The following BTBD9 variants were observed in gnomAD, a reference collection of about 807,000 sequenced individuals.
BTBD9 encodes BTB domain containing 9, also known as BTB/POZ domain-containing protein 9.
BTBD9 carries 49 observed loss-of-function variants against 64.3 expected under a neutral mutation model. The ratio of observed to expected loss-of-function variants is 0.76; its 90% CI spans 0.61 to 0.97. The LOEUF (loss-of-function observed/expected upper bound fraction) is 0.97. Ranked by LOEUF, BTBD9 falls within the 50% of genes least tolerant of loss-of-function variation. The pLI is 0.00. For missense variants in BTBD9, 598 were observed against 762.1 expected (o/e 0.78, Z 2.53); for synonymous variants, 260 against 274.7 (o/e 0.95, Z 0.53).
intron 6 of BTBD9, among the ~76,000 whole-genome samples, chr6:38,500,139 AAG>A (rs1399427176): frequency 2.0e-5 from 3 of 152,136 alleles, no homozygotes; most frequent in Non-Finnish European, 4.4e-5. Flanking sequence ...GTGTCAAAGA[AAG>A]AGAGATAGAA....
At position 38,598,018 on chromosome 6, in the gene BTBD9, A is replaced by G. The variant is rs372076622; in HGVS notation, c.77T>C (p.Ile26Thr). 1.4e-5 allele frequency: 23 copies of G among 1,613,896 alleles called. No individual in the cohort carries two copies. In the African/African-American group the frequency reaches 1.7e-4, roughly 12 times the overall value. The stretch of plus-strand genomic sequence containing the variant: ...TTCTTCCCCAATCAACAAGGCACCA[A>G]TATGTTCAGACAAAATGTGCACATG... The part of the protein sequence containing the change: ...IDHVHILSEH[I>T]GALLIGEEYG... Residue 26 changes from isoleucine to threonine, a missense_variant, in exon 2 of 11, where the codon ATT (isoleucine) becomes ACT (threonine). Physicochemically the swap from Ile to Thr is moderately conservative, Grantham distance 89. Coordinates refer to ENST00000481247, the MANE Select transcript of BTBD9 (RefSeq NM_001099272.2).
At chr6:38,361,868 G>GA (rs35224103) in intron 6 of BTBD9, among the ~76,000 whole-genome samples, 48,089 of 138,648 alleles carry the variant, frequency 0.35, 8,113 homozygotes, top group Non-Finnish European at 0.38. Context: ...AACACCACAG[G>GA]AAAAAAAAAA....
At chr6:38,398,645 G>C (rs901738286) in intron 6 of BTBD9, among the ~76,000 whole-genome samples, 3 of 152,026 alleles carry the variant, frequency 2.0e-5, no homozygotes, top group African/African-American at 7.2e-5. Flanking sequence ...AGGCACACAG[G>C]TCCAGAAAAG....
At chr6:38,394,506 T>C (rs186052060) in intron 6 of BTBD9, among the ~76,000 whole-genome samples, 1 of 152,122 alleles carries the variant, frequency 6.6e-6, no homozygotes, top group East Asian at 1.9e-4. Flanking sequence ...AAAAAGAAAT[T>C]TTACAGATGC....
chr6:38,265,090 C>T (rs1250420268), intron 8 of BTBD9, among the ~76,000 whole-genome samples: 4 of 151,858 alleles, frequency 2.6e-5, no homozygotes, highest in Admixed American at 6.6e-5. Context: ...GGGGAAGAAA[C>T]GATGGCACTG....
intron 6 of BTBD9, 27 bp from the exon 7 acceptor site, chr6:38,345,120 G>T: frequency 6.7e-7 from 1 of 1,484,170 alleles, no homozygotes; most frequent in Non-Finnish European, 9.3e-7. Flanking sequence ...AAGAAAATGT[G>T]TTGAAAATGA....
Position 38,465,539 on chromosome 6 carries a change from G to C in BTBD9, c.1154+112061C>G, listed in dbSNP as rs555136556. On this transcript the variant is annotated intron_variant, in intron 6 of 10. Coordinates refer to ENST00000481247, the MANE Select transcript of BTBD9 (RefSeq NM_001099272.2). The stretch of plus-strand genomic sequence containing the variant: ...CCAGCTACTCGGGAGGCTGAGGCAG[G>C]AGAATGGTATGAAACCAGGAGGTGG... Among the ~76,000 whole-genome samples the C allele has an allele frequency of 7.0e-3, 1,034 of 148,290 alleles. 9 individuals carry two copies. Among genetic ancestry groups the C allele is most frequent in the African/African-American group, 0.024 (977 of 40,588 alleles).
At chr6:38,233,520 G>C (rs982261193) in intron 9 of BTBD9, among the ~76,000 whole-genome samples, 1 of 152,146 alleles carries the variant, frequency 6.6e-6, no homozygotes, top group African/African-American at 2.4e-5. Context: ...AGCACACAAG[G>C]CTGGGCAGAA....
At chr6:38,287,183 T>G (rs1390909058) in intron 8 of BTBD9, among the ~76,000 whole-genome samples, 1 of 143,348 alleles carries the variant, frequency 7.0e-6, no homozygotes, top group East Asian at 2.1e-4. Context: ...AAGTCTACAG[T>G]ACAGTAATGT....
intron 9 of BTBD9, among the ~76,000 whole-genome samples, chr6:38,216,928 C>T (rs910688059): frequency 6.6e-6 from 1 of 152,058 alleles, no homozygotes; most frequent in African/African-American, 2.4e-5. Context: ...GTTTCAGATT[C>T]AGTAGGTAGG....
chr6:38,306,866 C>G (rs1443385670), intron 7 of BTBD9, among the ~76,000 whole-genome samples: 1 of 152,220 alleles, frequency 6.6e-6, no homozygotes, highest in African/African-American at 2.4e-5. Flanking sequence ...TCTTCAAACA[C>G]TGTGCTCTGC....
chr6:38,381,296 G>A (rs933657965), intron 6 of BTBD9, among the ~76,000 whole-genome samples: 6 of 152,130 alleles, frequency 3.9e-5, no homozygotes, highest in African/African-American at 1.4e-4. Flanking sequence ...GACATAACAA[G>A]TGTAGATGCA....
intron 6 of BTBD9, among the ~76,000 whole-genome samples, chr6:38,456,941 T>G (rs1003599017): frequency 3.9e-5 from 6 of 152,174 alleles, no homozygotes; most frequent in Admixed American, 2.6e-4. Flanking sequence ...ATAAATACAG[T>G]GACATGATAA....
chr6:38,482,477 TA>T (rs1771200169), intron 6 of BTBD9: 1 of 151,934 alleles, frequency 6.6e-6, no homozygotes, highest in Admixed American at 6.6e-5. Flanking sequence ...GTATTCCACT[TA>T]AAAGAGAGAA....
intron 7 of BTBD9, among the ~76,000 whole-genome samples, chr6:38,341,851 G>A (rs1314739936): frequency 1.3e-5 from 2 of 152,214 alleles, no homozygotes; most frequent in Non-Finnish European, 2.9e-5. Flanking sequence ...AGTGGCAGCA[G>A]CAAAGGTGGA....
At chr6:38,412,907 A>T (rs1310390538) in intron 6 of BTBD9, among the ~76,000 whole-genome samples, 1 of 152,140 alleles carries the variant, frequency 6.6e-6, no homozygotes, top group Non-Finnish European at 1.5e-5. Flanking sequence ...AATTTTGTAA[A>T]CTGCCTTAGA....
chr6:38,272,763 G>A (rs972958045), intron 8 of BTBD9, among the ~76,000 whole-genome samples: 11 of 151,854 alleles, frequency 7.2e-5, no homozygotes, highest in Middle Eastern at 3.2e-3. Context: ...TTTCTAACAG[G>A]GTTCCTATGA....
intron 9 of BTBD9, among the ~76,000 whole-genome samples, chr6:38,248,270 GAA>G (rs774096441): frequency 1.4e-4 from 21 of 152,206 alleles, no homozygotes; most frequent in Non-Finnish European, 2.8e-4. Context: ...GCAGGAAATA[GAA>G]AGTTTGTGAT....
intron 6 of BTBD9, among the ~76,000 whole-genome samples, chr6:38,437,125 A>T (rs537811457): frequency 6.6e-6 from 1 of 152,366 alleles, no homozygotes; most frequent in Non-Finnish European, 1.5e-5. Flanking sequence ...CTTAAGGAGT[A>T]TGAATACATA....
Sources: gnomAD v4.1 joint callset for allele counts (sites outside exome capture counted in the v4.1 genomes callset) on GRCh38, gnomAD v4.1.1 for gene constraint, MANE v1.5 for transcripts, NCBI Gene and HGNC (gene_info 2026-07-23, HGNC 2026-07-21) for gene names.